Variants in KCNIP4 observed in about 807,000 individuals in gnomAD.
KCNIP4 encodes Kv channel-interacting protein 4.
A neutral mutation model predicts 34.0 loss-of-function variants in KCNIP4; 12 were observed. The ratio of observed to expected loss-of-function variants is 0.35; its 90% CI spans 0.23 to 0.57. The LOEUF (loss-of-function observed/expected upper bound fraction) is 0.57. Ranked by LOEUF, KCNIP4 falls within the 20% of genes least tolerant of loss-of-function variation. KCNIP4 has a pLI of 0.83. For missense variants in KCNIP4, 238 were observed against 311.7 expected (o/e 0.76, Z 1.78); for synonymous variants, 124 against 102.2 (o/e 1.21, Z -1.29).
At chr4:21,356,578 A>G (rs1430749297) in intron 1 of KCNIP4, among the ~76,000 whole-genome samples, 1 of 152,160 alleles carries the variant, frequency 6.6e-6, no homozygotes, top group African/African-American at 2.4e-5. Flanking sequence ...TGCTTCAAAG[A>G]GAATAAAATA....
chr4:20,819,773 C>A (rs78462025), intron 3 of KCNIP4, among the ~76,000 whole-genome samples: 6,971 of 152,200 alleles, frequency 0.046, 253 homozygotes, highest in East Asian at 0.092. Flanking sequence ...AGCTCTTCCA[C>A]CCCTTCTACC....
chr4:21,755,735 T>C (rs1016890867), intron 1 of KCNIP4, among the ~76,000 whole-genome samples: 3 of 152,232 alleles, frequency 2.0e-5, no homozygotes, highest in African/African-American at 7.2e-5. Flanking sequence ...CAAATATCTT[T>C]AATAAAAGTA....
intron 5 of KCNIP4, among the ~76,000 whole-genome samples, chr4:20,742,363 TC>T (rs753758961): frequency 2.0e-4 from 31 of 152,132 alleles, no homozygotes; most frequent in Non-Finnish European, 3.2e-4. Flanking sequence ...AAAAAGCTTA[TC>T]CACCACTATC....
intron 1 of KCNIP4, among the ~76,000 whole-genome samples, chr4:21,378,586 C>A (rs867139838): frequency 2.0e-5 from 3 of 152,124 alleles, no homozygotes; most frequent in Non-Finnish European, 4.4e-5. Flanking sequence ...TAAATACTAA[C>A]CTGTTGAACT....
intron 1 of KCNIP4, among the ~76,000 whole-genome samples, chr4:21,128,048 T>C (rs1376384029): frequency 1.3e-5 from 2 of 152,218 alleles, no homozygotes; most frequent in Admixed American, 6.5e-5. Flanking sequence ...AAAGGGTTCC[T>C]GGTCTGTTCC....
At chr4:20,945,175 A>G (rs940363303) in intron 1 of KCNIP4, among the ~76,000 whole-genome samples, 2 of 152,218 alleles carry the variant, frequency 1.3e-5, no homozygotes, top group African/African-American at 4.8e-5. Context: ...AATGCAGAAT[A>G]GCAGGTCCTA....
At chr4:21,346,634 C>G (rs1277042480) in intron 1 of KCNIP4, among the ~76,000 whole-genome samples, 1 of 151,926 alleles carries the variant, frequency 6.6e-6, no homozygotes. Context: ...ATGCTTCACT[C>G]AAATTACATT....
At chr4:21,226,930 T>G (rs1758448844) in intron 1 of KCNIP4, among the ~76,000 whole-genome samples, 1 of 152,174 alleles carries the variant, frequency 6.6e-6, no homozygotes, top group Non-Finnish European at 1.5e-5. Context: ...GCTAGATTAT[T>G]AACACCTTTT....
intron 1 of KCNIP4, among the ~76,000 whole-genome samples, chr4:20,993,027 CAAAAAAAAAAAAAA>C (rs11416440): frequency 2.4e-5 from 1 of 42,084 alleles, no homozygotes; most frequent in South Asian, 1.5e-3. Flanking sequence ...GACTCCATCT[CAAAAAAAAAAAAAA>C]AAAAAAAAAA....
chr4:21,884,926 C>T (rs1399067858), intron 1 of KCNIP4, among the ~76,000 whole-genome samples: 3 of 144,224 alleles, frequency 2.1e-5, no homozygotes, highest in East Asian at 4.4e-4. Context: ...CTCAGTGATA[C>T]CCTGCCAACA....
chr4:20,799,805 G>A (rs1713995613), intron 3 of KCNIP4, among the ~76,000 whole-genome samples: 3 of 152,168 alleles, frequency 2.0e-5, no homozygotes, highest in Admixed American at 6.5e-5. Flanking sequence ...AATTGTAGCT[G>A]TGCACTGTTC....
At position 20,962,055 on chromosome 4, in the gene KCNIP4, A is replaced by T. The variant is rs559811929; in HGVS notation, c.62-79346T>A. On this transcript the variant is annotated intron_variant, in intron 1 of 8. Transcript: ENST00000382152. ...TCACTTTCTTCCTCCTTGGGGAGGA[A>T]TGACTTTTCTGATGGGTAAATTTAG... Among the ~76,000 whole-genome samples, 4 of 152,240 alleles carry T rather than the reference A, an allele frequency of 2.6e-5. No individual in the cohort carries two copies. The South Asian group carries it at 8.3e-4, about 32-fold the overall frequency.
intron 2 of KCNIP4, among the ~76,000 whole-genome samples, chr4:20,852,953 C>A (rs2149485837): frequency 6.6e-6 from 1 of 152,238 alleles, no homozygotes; most frequent in East Asian, 1.9e-4. Flanking sequence ...AACTACAAAA[C>A]ACTGTTGAAA....
At chr4:20,906,925 T>C (rs1727828474) in intron 1 of KCNIP4, among the ~76,000 whole-genome samples, 1 of 152,206 alleles carries the variant, frequency 6.6e-6, no homozygotes, top group Admixed American at 6.5e-5. Context: ...GTAGGATTTG[T>C]AAGGTTTGGG....
At chr4:20,972,611 C>A (rs1735071553) in intron 1 of KCNIP4, among the ~76,000 whole-genome samples, 1 of 152,106 alleles carries the variant, frequency 6.6e-6, no homozygotes, top group African/African-American at 2.4e-5. Context: ...CTTTGTTGTT[C>A]CACTTACAGA....
At chr4:21,205,691 T>C (rs1756806899) in intron 1 of KCNIP4, among the ~76,000 whole-genome samples, 1 of 152,190 alleles carries the variant, frequency 6.6e-6, no homozygotes. Context: ...CTTATCTCCA[T>C]TTTATAGTTG....
At position 21,539,200 on chromosome 4, in the gene KCNIP4, C is replaced by T. The variant is rs531412311; in HGVS notation, c.61+409371G>A. Among the ~76,000 whole-genome samples the T allele has an allele frequency of 6.2e-4, 95 of 152,238 alleles. No homozygotes were observed. In the East Asian group the frequency reaches 8.3e-3, roughly 13 times the overall value. On this transcript the variant is annotated intron_variant, in intron 1 of 8. Coordinates refer to ENST00000382152, the MANE Select transcript of KCNIP4 (RefSeq NM_025221.6). ...CCCAGTCTCAGGCAATTCTTTATAA[C>T]GTGTGAAAATGAACTAATACACTCT...
chr4:21,039,452 G>A (rs1293973987), intron 1 of KCNIP4, among the ~76,000 whole-genome samples: 1 of 151,498 alleles, frequency 6.6e-6, no homozygotes, highest in Non-Finnish European at 1.5e-5. Flanking sequence ...CTTAATTTAA[G>A]GGCTCTAGAG....
Position 20,737,958 on chromosome 4 carries a change from C to T in KCNIP4, c.430-3223G>A, listed in dbSNP as rs575196991. Among the ~76,000 whole-genome samples the T allele has an allele frequency of 2.6e-5, 4 of 152,076 alleles. No individual in the cohort carries two copies. The South Asian group carries it at 8.3e-4, about 32-fold the overall frequency. ...AGCAGCCTGAGCAACGCAGCCAGAT[C>T]CAAATTAACAGCAAGAAAAACAAAT... On this transcript the variant is annotated intron_variant, in intron 5 of 8. Transcript: ENST00000382152.
Sources: allele counts gnomAD v4.1 joint callset (sites outside exome capture counted in the v4.1 genomes callset), GRCh38; gene constraint gnomAD v4.1.1; transcripts MANE v1.5; gene names NCBI Gene and HGNC (gene_info 2026-07-23, HGNC 2026-07-21).